Variants in TFDP1 observed in about 807,000 individuals in gnomAD.
The protein encoded by TFDP1 is transcription factor Dp-1.
TFDP1 carries 6 observed loss-of-function variants against 48.0 expected under a neutral mutation model. The ratio of observed to expected loss-of-function variants is 0.13; its 90% confidence interval spans 0.07 to 0.25. The LOEUF (loss-of-function observed/expected upper bound fraction) is 0.25. Among genes scored for constraint, TFDP1 ranks in the 10% least tolerant of loss-of-function variants. TFDP1 has a pLI of 1.00. For synonymous variants in TFDP1, 201 were observed against 211.6 expected (o/e 0.95, Z 0.44); for missense variants, 335 against 543.0 (o/e 0.62, Z 3.81).
At chr13:113,602,392 G>A (rs1010136758) in intron 2 of TFDP1, among the ~76,000 whole-genome samples, 3 of 152,132 alleles carry the variant, frequency 2.0e-5, no homozygotes, top group South Asian at 2.1e-4. Flanking sequence ...AAGGAGGAGC[G>A]GAGAGAGTTC....
Position 113,633,812 on chromosome 13 carries a change from C to T in TFDP1, c.475-78C>T. The T allele has an allele frequency of 6.6e-7, 1 of 1,520,072 alleles. No homozygotes were observed. Among genetic ancestry groups the T allele is most frequent in the Non-Finnish European group, 8.9e-7 (1 of 1,129,078 alleles). The allele number at this position is 1,520,072 out of a possible 1,614,324, so 94.2% of individuals were successfully genotyped here. On this transcript the variant is annotated intron_variant, in intron 6 of 11. Transcript: ENST00000375370. The surrounding 1 kb of genome is among the most constrained non-coding windows in gnomAD (Gnocchi z 4.5). The stretch of plus-strand genomic sequence containing the variant: ...CCGTGAGCGGGGTGCCCCTTTGAGC[C>T]AGTGCCCATGGTCTACAGTTTAAGG...
chr13:113,619,874 T>G (rs1442986186), intron 3 of TFDP1, among the ~76,000 whole-genome samples: 2 of 150,324 alleles, frequency 1.3e-5, no homozygotes, highest in Non-Finnish European at 3.0e-5. Context: ...TGGCAAGGCC[T>G]TGGGCTCCGA....
At chr13:113,618,446 G>A (rs374504668) in intron 3 of TFDP1, among the ~76,000 whole-genome samples, 3 of 152,144 alleles carry the variant, frequency 2.0e-5, no homozygotes, top group African/African-American at 7.2e-5. Flanking sequence ...CCCTTGAACC[G>A]GGAGGTGGAG....
intron 4 of TFDP1, among the ~76,000 whole-genome samples, chr13:113,630,966 C>T (rs553266205): frequency 3.3e-5 from 5 of 152,306 alleles, no homozygotes; most frequent in East Asian, 3.9e-4. Flanking sequence ...CCCTACCTTC[C>T]GCCCCCAGTG....
intron 7 of TFDP1, 185 bp downstream of exon 7, chr13:113,634,218 G>T (rs1258944658): frequency 2.4e-6 from 2 of 829,294 alleles, no homozygotes; most frequent in Non-Finnish European, 4.0e-6. Flanking sequence ...AGCATGGTTG[G>T]CCCAGACCCA....
intron 10 of TFDP1, 116 bp downstream of exon 10, chr13:113,636,816 A>G (rs892239618): frequency 8.0e-6 from 10 of 1,244,108 alleles, no homozygotes; most frequent in South Asian, 4.6e-5. Flanking sequence ...CCACGTGTGT[A>G]GGGCCAGGAG....
chr13:113,628,251 CTG>C (rs2049240053), intron 4 of TFDP1, among the ~76,000 whole-genome samples: 1 of 151,480 alleles, frequency 6.6e-6, no homozygotes, highest in East Asian at 1.9e-4. Context: ...CGTGTAGAGA[CTG>C]TGTCTGAAGC....
chr13:113,621,813 C>T lies in TFDP1; in HGVS notation c.80-1367C>T, dbSNP rs140328446. On this transcript the variant is annotated intron_variant, in intron 3 of 11. Transcript: ENST00000375370. The stretch of plus-strand genomic sequence containing the variant: ...AAGGGAGTTTAGAGAAGACTCTGTT[C>T]CTCCACCTCTTGTGGAGGGCCTGAC... Among the ~76,000 whole-genome samples the T allele has an allele frequency of 1.0e-3, 153 of 152,322 alleles. 1 individual carries two copies. Among genetic ancestry groups the T allele is most frequent in the African/African-American group, 3.6e-3 (151 of 41,576 alleles).
intron 1 of TFDP1, 117 bp downstream of exon 1, chr13:113,585,005 C>T (rs1457559049): frequency 1.4e-5 from 2 of 146,266 alleles, no homozygotes; most frequent in Admixed American, 6.8e-5. Flanking sequence ...CGGCCCCGAC[C>T]CGCGCCCTCC....
At chr13:113,605,699 G>C (rs2048546657) in intron 2 of TFDP1, among the ~76,000 whole-genome samples, 1 of 152,254 alleles carries the variant, frequency 6.6e-6, no homozygotes, top group Non-Finnish European at 1.5e-5. Flanking sequence ...CGTGGCACCA[G>C]CTTTCGCCAG....
chr13:113,614,782 CTA>C (rs2048816127), intron 3 of TFDP1, among the ~76,000 whole-genome samples: 1 of 152,234 alleles, frequency 6.6e-6, no homozygotes, highest in Non-Finnish European at 1.5e-5. Context: ...TGGGGACTCA[CTA>C]CAGGACCCAC....
At chr13:113,638,507 G>A (rs779100006) in intron 11 of TFDP1, among the ~76,000 whole-genome samples, 24 of 149,336 alleles carry the variant, frequency 1.6e-4, no homozygotes, top group Non-Finnish European at 2.8e-4. Flanking sequence ...ACGCGTCTGT[G>A]ATTATGGTAC....
intron 2 of TFDP1, among the ~76,000 whole-genome samples, chr13:113,610,735 C>T (rs188046053): frequency 6.2e-4 from 94 of 152,306 alleles, no homozygotes; most frequent in Admixed American, 4.1e-3. Flanking sequence ...CTTGATTTTT[C>T]AAGACTGTGT....
At chr13:113,621,063 G>A (rs2048983043) in intron 3 of TFDP1, among the ~76,000 whole-genome samples, 1 of 152,244 alleles carries the variant, frequency 6.6e-6, no homozygotes, top group East Asian at 1.9e-4. Flanking sequence ...TGCATGGGTT[G>A]TAAAGGGCCC....
At chr13:113,601,038 G>A (rs1293491093) in intron 2 of TFDP1, among the ~76,000 whole-genome samples, 1 of 152,190 alleles carries the variant, frequency 6.6e-6, no homozygotes, top group Non-Finnish European at 1.5e-5. Context: ...TTTGTGAGAT[G>A]AGCCTTCACG....
chr13:113,628,627 C>T (rs1043762204), intron 4 of TFDP1, among the ~76,000 whole-genome samples: 4 of 152,224 alleles, frequency 2.6e-5, no homozygotes, highest in African/African-American at 7.2e-5. Flanking sequence ...GGCAGTACCC[C>T]TCATTGTGCT....
At chr13:113,601,021 G>A (rs1436123801) in intron 2 of TFDP1, among the ~76,000 whole-genome samples, 1 of 152,204 alleles carries the variant, frequency 6.6e-6, no homozygotes, top group African/African-American at 2.4e-5. Flanking sequence ...TGCTCACTCG[G>A]AGCGTGTTTG....
intron 2 of TFDP1, among the ~76,000 whole-genome samples, chr13:113,605,837 A>G (rs1250097091): frequency 1.5e-4 from 21 of 141,008 alleles, no homozygotes; most frequent in East Asian, 2.2e-4. Context: ...GTGGGAAAGC[A>G]GCGCAGTGGT....
chr13:113,629,824 G>A (rs1030098722), intron 4 of TFDP1, among the ~76,000 whole-genome samples: 5 of 152,200 alleles, frequency 3.3e-5, no homozygotes, highest in Admixed American at 6.5e-5. Context: ...GGAGGACAGC[G>A]GCACGGTGAC....
Sources: gnomAD v4.1 joint callset for allele counts (sites outside exome capture counted in the v4.1 genomes callset) on GRCh38, gnomAD v4.1.1 for gene constraint, Gnocchi (gnomAD v3.1) non-coding constraint, MANE v1.5 for transcripts, NCBI Gene and HGNC (gene_info 2026-07-23, HGNC 2026-07-21) for gene names.